The following SGCD variants were observed in gnomAD, a reference collection of about 807,000 sequenced individuals.
SGCD encodes the protein sarcoglycan delta.
A neutral mutation model predicts 36.6 loss-of-function variants in SGCD; 18 were observed. The ratio of observed to expected loss-of-function variants is 0.49; its 90% CI spans 0.34 to 0.73. The LOEUF (loss-of-function observed/expected upper bound fraction) is 0.73, where lower values mean the gene tolerates loss of function less well. SGCD is among the 30% of genes least tolerant of loss of function. The pLI is 0.01. For synonymous variants in SGCD, 133 were observed against 130.6 expected, an observed-to-expected ratio of 1.02 and a Z score of -0.12; for missense variants, 387 against 346.7, an observed-to-expected ratio of 1.12 and a Z score of -0.92.
chr5:156,133,957 AC>A (rs1561533615), intron 3 of SGCD, among the ~76,000 whole-genome samples: 2,517 of 138,368 alleles, frequency 0.018, 83 homozygotes, highest in African/African-American at 0.063. Flanking sequence ...ACACACACAC[AC>A]ACAGTTTCTC....
Position 156,498,778 on chromosome 5 carries a change from A to G in SGCD, c.193-9823A>G, listed in dbSNP as rs1756313905. ...ACATACGTTTTTATTTATATTGGGC[A>G]GAGAGCCCAGAGTGGAATTGCTGGA... On this transcript the variant is annotated intron_variant, in intron 3 of 8. Coordinates refer to ENST00000337851, the MANE Select transcript of SGCD (RefSeq NM_000337.6). Among the ~76,000 whole-genome samples the G allele has an allele frequency of 2.0e-5, 3 of 152,218 alleles. No individual in the cohort carries two copies. In the South Asian group the frequency reaches 6.2e-4, roughly 32 times the overall value.
At chr5:156,234,156 G>T (rs1370743642) in intron 3 of SGCD, among the ~76,000 whole-genome samples, 1 of 152,056 alleles carries the variant, frequency 6.6e-6, no homozygotes, top group Non-Finnish European at 1.5e-5. Flanking sequence ...GTTTTTAAAT[G>T]ATTATTTGCT....
At chr5:155,810,423 T>G in the SGCD span, among the ~76,000 whole-genome samples, 1 of 152,010 alleles carries the variant, frequency 6.6e-6, no homozygotes, top group Non-Finnish European at 1.5e-5. Context: ...GTGTATGTTA[T>G]TTAATGTTTT....
chr5:156,603,274 A>G (rs1016162085), intron 6 of SGCD, among the ~76,000 whole-genome samples: 2 of 152,064 alleles, frequency 1.3e-5, no homozygotes, highest in Non-Finnish European at 2.9e-5. Context: ...TTTCTGTGGT[A>G]TGAGTTGTAA....
At chr5:156,443,818 G>A (rs1032051179) in intron 3 of SGCD, among the ~76,000 whole-genome samples, 4 of 152,116 alleles carry the variant, frequency 2.6e-5, no homozygotes, top group Non-Finnish European at 4.4e-5. Flanking sequence ...CTGGATCCAT[G>A]AGAAAGAGCA....
At chr5:155,740,960 T>A in the SGCD span, among the ~76,000 whole-genome samples, 2 of 152,036 alleles carry the variant, frequency 1.3e-5, no homozygotes, top group East Asian at 3.9e-4. Context: ...GTGCCCAAAG[T>A]GGTTGGGTTA....
At chr5:156,475,457 C>T (rs1484086862) in intron 3 of SGCD, among the ~76,000 whole-genome samples, 2 of 152,110 alleles carry the variant, frequency 1.3e-5, no homozygotes, top group Non-Finnish European at 2.9e-5. Flanking sequence ...GCAATTCTGT[C>T]CCTTTTTGTA....
chr5:155,981,374 A>G (rs995544980), intron 1 of SGCD, among the ~76,000 whole-genome samples: 1 of 152,314 alleles, frequency 6.6e-6, no homozygotes, highest in African/African-American at 2.4e-5. Flanking sequence ...AACTGCTGAC[A>G]GTGCTTGGAA....
chr5:156,144,131 T>C (rs58339191), intron 3 of SGCD, among the ~76,000 whole-genome samples: 10,483 of 151,986 alleles, frequency 0.069, 699 homozygotes, highest in African/African-American at 0.18. Flanking sequence ...TTAATCCAGT[T>C]TATCGTTGTT....
At chr5:156,645,269 A>G (rs1474749790) in intron 6 of SGCD, among the ~76,000 whole-genome samples, 1 of 152,178 alleles carries the variant, frequency 6.6e-6, no homozygotes, top group African/African-American at 2.4e-5. Flanking sequence ...CCTTTTTGAA[A>G]TAATAAAATT....
At chr5:155,865,083 CATAGATAGATAGATAGATAG>C in the SGCD span, among the ~76,000 whole-genome samples, 1 of 144,056 alleles carries the variant, frequency 6.9e-6, no homozygotes, top group Non-Finnish European at 1.5e-5. Context: ...TATACATAGC[CATAGATAGATAGATAGATAG>C]ATAGATAGAT....
At chr5:156,733,870 A>G (rs756664558) in intron 7 of SGCD, among the ~76,000 whole-genome samples, 25 of 152,096 alleles carry the variant, frequency 1.6e-4, no homozygotes, top group Non-Finnish European at 2.9e-4. Context: ...TTTTGAGCCT[A>G]TGTGTGTCAC....
At chr5:156,674,569 C>T (rs2113666866) in intron 7 of SGCD, among the ~76,000 whole-genome samples, 1 of 152,176 alleles carries the variant, frequency 6.6e-6, no homozygotes, top group Middle Eastern at 3.4e-3. Context: ...CAAGGGGAGA[C>T]TATCATAGGA....
chr5:155,930,965 A>C (rs1757087449), intron 1 of SGCD, among the ~76,000 whole-genome samples: 1 of 152,152 alleles, frequency 6.6e-6, no homozygotes, highest in Non-Finnish European at 1.5e-5. Context: ...CTTGTTTTGA[A>C]GTTACTCTTT....
At chr5:155,794,411 C>A in the SGCD span, among the ~76,000 whole-genome samples, 1 of 152,024 alleles carries the variant, frequency 6.6e-6, no homozygotes, top group Admixed American at 6.6e-5. Context: ...TTTGAAATGA[C>A]TACGATTTGT....
rs113835343 is a variant in SGCD at position 156,582,786 on chromosome 5, C to T, written c.295-6445C>T. 3.0e-3 allele frequency among the ~76,000 whole-genome samples: 454 copies of T among 152,272 alleles called. 2 individuals are homozygous for T. Among genetic ancestry groups the T allele is most frequent in the South Asian group, 8.9e-3 (43 of 4,832 alleles). On this transcript the variant is annotated intron_variant, in intron 4 of 8. Transcript: ENST00000337851. ...CCACTATCCTTTGGACACACACAGA[C>T]GCACACAGGTGCATGCATGCACGCA...
At chr5:156,195,717 G>A (rs1381439033) in intron 3 of SGCD, among the ~76,000 whole-genome samples, 2 of 152,162 alleles carry the variant, frequency 1.3e-5, no homozygotes, top group Non-Finnish European at 2.9e-5. Context: ...CTGGGATTGG[G>A]CAAACCATCT....
At chr5:156,131,676 G>A (rs1762327796) in intron 3 of SGCD, among the ~76,000 whole-genome samples, 2 of 152,038 alleles carry the variant, frequency 1.3e-5, no homozygotes, top group South Asian at 4.2e-4. Context: ...GGAATGAAGT[G>A]GACCCTGTTG....
chr5:156,262,873 T>C (rs1237742652), intron 3 of SGCD, among the ~76,000 whole-genome samples: 1 of 152,084 alleles, frequency 6.6e-6, no homozygotes, highest in Non-Finnish European at 1.5e-5. Flanking sequence ...ATTTTGTTTC[T>C]TTTTATGGCT....
Sources: allele counts gnomAD v4.1 joint callset (sites outside exome capture counted in the v4.1 genomes callset), GRCh38; gene constraint gnomAD v4.1.1; transcripts MANE v1.5; gene names NCBI Gene and HGNC (gene_info 2026-07-23, HGNC 2026-07-21).